Variants in SCARB2 observed in about 807,000 individuals in gnomAD.
The protein encoded by SCARB2 is scavenger receptor class B member 2.
In SCARB2, 29 loss-of-function variants were observed where a neutral mutation model predicts 58.6. The observed-to-expected ratio is 0.49, with a 90% CI of 0.37 to 0.67. The LOEUF (loss-of-function observed/expected upper bound fraction) is 0.67, where lower values mean the gene tolerates loss of function less well. SCARB2 is among the 30% of genes least tolerant of loss of function. The pLI is 0.00. For synonymous variants in SCARB2, 195 were observed against 210.1 expected (o/e 0.93, Z 0.62); for missense variants, 488 against 578.5 (o/e 0.84, Z 1.60).
intron 2 of SCARB2, among the ~76,000 whole-genome samples, chr4:76,187,629 T>C (rs761436731): frequency 1.5e-4 from 23 of 152,174 alleles, no homozygotes; most frequent in Non-Finnish European, 2.5e-4. Context: ...TATATGTACA[T>C]GCATATGTAC....
At chr4:76,179,415 C>A in intron 4 of SCARB2, 102 bp downstream of exon 4, 2 of 890,224 alleles carry the variant, frequency 2.2e-6, no homozygotes, top group Non-Finnish European at 3.7e-6. Context: ...GATAACTTAA[C>A]TCTAGGCAAT....
intron 11 of SCARB2, chr4:76,162,702 C>A: frequency 5.8e-6 from 1 of 173,006 alleles, no homozygotes; most frequent in Non-Finnish European, 1.2e-5. Flanking sequence ...ATACTTAAAC[C>A]TTTATTGAGC....
At chr4:76,209,358 CTTT>C (rs1560721534) in intron 1 of SCARB2, among the ~76,000 whole-genome samples, 1 of 152,044 alleles carries the variant, frequency 6.6e-6, no homozygotes, top group Non-Finnish European at 1.5e-5. Context: ...CATTTTACTT[CTTT>C]TTTTATTTTT....
At chr4:76,196,374 T>A (rs1375784238) in intron 1 of SCARB2, among the ~76,000 whole-genome samples, 1 of 152,194 alleles carries the variant, frequency 6.6e-6, no homozygotes, top group Non-Finnish European at 1.5e-5. Flanking sequence ...ACTAGTTAAT[T>A]AATTAATAAT....
At chr4:76,197,550 C>G (rs1033921075) in intron 1 of SCARB2, among the ~76,000 whole-genome samples, 1 of 152,122 alleles carries the variant, frequency 6.6e-6, no homozygotes, top group Non-Finnish European at 1.5e-5. Context: ...TTATAAGCAA[C>G]GAGACTGGGG....
chr4:76,201,484 C>A (rs994542484), intron 1 of SCARB2, among the ~76,000 whole-genome samples: 3 of 152,172 alleles, frequency 2.0e-5, no homozygotes, highest in African/African-American at 7.2e-5. Flanking sequence ...GCGTAGAGCA[C>A]AACGCTGTGC....
At chr4:76,166,390 A>G (rs971448040) in intron 9 of SCARB2, 89 bp from the exon 10 acceptor site, 27 of 1,319,382 alleles carry the variant, frequency 2.0e-5, no homozygotes, top group Admixed American at 1.0e-4. Context: ...TGAAGATTCT[A>G]GTACACTTAT....
intron 1 of SCARB2, among the ~76,000 whole-genome samples, chr4:76,207,834 A>G (rs1222563509): frequency 1.3e-5 from 2 of 152,210 alleles, no homozygotes; most frequent in African/African-American, 4.8e-5. Flanking sequence ...ATTTAACAAT[A>G]AAGCAAAGTA....
At chr4:76,198,087 G>C (rs923589488) in intron 1 of SCARB2, among the ~76,000 whole-genome samples, 1 of 152,098 alleles carries the variant, frequency 6.6e-6, no homozygotes, top group South Asian at 2.1e-4. Flanking sequence ...AGGAGCAGCC[G>C]CCCCCACTCT....
intron 1 of SCARB2, among the ~76,000 whole-genome samples, chr4:76,219,859 T>C (rs1733278904): frequency 6.6e-6 from 1 of 152,152 alleles, no homozygotes; most frequent in Non-Finnish European, 1.5e-5. Context: ...GAGTCTGAAA[T>C]GATTACCTAG....
At chr4:76,206,813 T>C (rs1371738457) in intron 1 of SCARB2, among the ~76,000 whole-genome samples, 1 of 151,894 alleles carries the variant, frequency 6.6e-6, no homozygotes, top group Non-Finnish European at 1.5e-5. Context: ...TCTACTTTGA[T>C]CAGCACTCGG....
chr4:76,229,269 C>T (rs558153863), intron 1 of SCARB2, among the ~76,000 whole-genome samples: 447 of 152,102 alleles, frequency 2.9e-3, no homozygotes, highest in Non-Finnish European at 5.3e-3. Context: ...AATTTCTTTA[C>T]GTTGGTTTTC....
At chr4:76,191,256 C>A (rs1732599090) in intron 2 of SCARB2, among the ~76,000 whole-genome samples, 1 of 152,146 alleles carries the variant, frequency 6.6e-6, no homozygotes, top group South Asian at 2.1e-4. Context: ...TCTTAGATTT[C>A]TTCATATAGC....
intron 6 of SCARB2, 29 bp downstream of exon 6, chr4:76,175,762 G>A: frequency 1.9e-6 from 3 of 1,612,978 alleles, no homozygotes; most frequent in African/African-American, 1.3e-5. Flanking sequence ...CCTTATTTTT[G>A]AAAAAGAACT....
intron 5 of SCARB2, 118 bp from the exon 6 acceptor site, chr4:76,176,028 T>C (rs1489223552): frequency 2.8e-5 from 35 of 1,229,206 alleles, no homozygotes; most frequent in Non-Finnish European, 4.0e-5. Flanking sequence ...ATCTTATTCA[T>C]ACACAGACAC....
At chr4:76,219,533 C>T (rs566150458) in intron 1 of SCARB2, among the ~76,000 whole-genome samples, 1 of 152,182 alleles carries the variant, frequency 6.6e-6, no homozygotes, top group Non-Finnish European at 1.5e-5. Flanking sequence ...CACGAGAGGT[C>T]ACAGTTATTC....
At position 76,180,989 on chromosome 4, in the gene SCARB2, T is replaced by C. The variant is rs1487851203; in HGVS notation, c.388A>G (p.Ile130Val). Reference protein sequence around the residue: ...ERDQSVGDPKIDLIRTLNIPV... With the variant: ...ERDQSVGDPKVDLIRTLNIPV... ...ATATTTAATGTTCTAATTAAGTCAA[T>C]TTTAGGGTCTCCAACAGATTGGTCT... Residue 130 changes from isoleucine (I) to valine (V), a missense_variant, in exon 3 of 12, where the codon ATT becomes GTT. Coordinates refer to ENST00000264896, the MANE Select transcript of SCARB2 (RefSeq NM_005506.4). The C allele has an allele frequency of 1.2e-6, 2 of 1,613,386 alleles. No individual in the cohort carries two copies. The highest frequency in any genetic ancestry group is 1.7e-6 in the Non-Finnish European group (2 of 1,179,720).
upstream of SCARB2, among the ~76,000 whole-genome samples, chr4:76,218,794 G>C (rs1361196925): frequency 6.6e-6 from 1 of 152,158 alleles, no homozygotes; most frequent in Non-Finnish European, 1.5e-5. Flanking sequence ...TGGAGGGCGA[G>C]GAGTCAGGAG....
At chr4:76,205,311 G>C (rs1290428457) in intron 1 of SCARB2, among the ~76,000 whole-genome samples, 1 of 151,916 alleles carries the variant, frequency 6.6e-6, no homozygotes, top group African/African-American at 2.4e-5. Flanking sequence ...GGGTGACAGA[G>C]AGAAGCCCTA....
Sources: gnomAD v4.1 joint callset for allele counts (sites outside exome capture counted in the v4.1 genomes callset) on GRCh38, gnomAD v4.1.1 for gene constraint, MANE v1.5 for transcripts, NCBI Gene and HGNC (gene_info 2026-07-23, HGNC 2026-07-21) for gene names.